The following MYO3B variants were observed in gnomAD, a reference collection of about 807,000 sequenced individuals.
MYO3B encodes the protein myosin IIIB.
Under a neutral mutation model 174.6 loss-of-function variants are expected in MYO3B, and 156 were observed. That is an observed-to-expected ratio of 0.89 (90% CI 0.78 to 1.02). MYO3B has a LOEUF of 1.02. MYO3B is among the 50% of genes least tolerant of loss of function. MYO3B has a pLI of 0.00. For synonymous variants in MYO3B, 563 were observed against 569.1 expected (o/e 0.99, Z 0.15); for missense variants, 1,632 against 1,639.4 (o/e 1.00, Z 0.08).
intron 22 of MYO3B, among the ~76,000 whole-genome samples, chr2:170,411,372 A>G (rs2094545070): frequency 6.6e-6 from 1 of 152,254 alleles, no homozygotes; most frequent in Non-Finnish European, 1.5e-5. Context: ...TCTAGGCTAT[A>G]TGTTGTAGTC....
intron 7 of MYO3B, among the ~76,000 whole-genome samples, chr2:170,248,011 T>C (rs2093210916): frequency 6.6e-6 from 1 of 152,164 alleles, no homozygotes; most frequent in African/African-American, 2.4e-5. Flanking sequence ...TGGCCTCACA[T>C]TCTTGGTGGC....
At chr2:170,368,821 G>A (rs1229411791) in intron 8 of MYO3B, among the ~76,000 whole-genome samples, 1 of 151,890 alleles carries the variant, frequency 6.6e-6, no homozygotes, top group African/African-American at 2.4e-5. Context: ...GGATTTAATT[G>A]AGGTGATAGT....
chr2:170,305,967 T>A (rs920387667), intron 7 of MYO3B, among the ~76,000 whole-genome samples: 2 of 152,156 alleles, frequency 1.3e-5, no homozygotes, highest in African/African-American at 4.8e-5. Flanking sequence ...AGGGCAGAGC[T>A]TAGCTGGGTA....
At chr2:170,320,732 C>T (rs1375748202) in intron 7 of MYO3B, among the ~76,000 whole-genome samples, 1 of 151,894 alleles carries the variant, frequency 6.6e-6, no homozygotes, top group African/African-American at 2.4e-5. Flanking sequence ...GAGACATTCT[C>T]AAATTTCAAA....
chr2:170,651,160 TC>T (rs894972501), intron 32 of MYO3B, among the ~76,000 whole-genome samples: 6 of 151,860 alleles, frequency 4.0e-5, no homozygotes, highest in Admixed American at 2.0e-4. Flanking sequence ...TCAAGCCATT[TC>T]CCCCCCGACA....
At position 170,391,546 on chromosome 2, in the gene MYO3B, A is replaced by C. The variant is rs1353402910; in HGVS notation, c.1604A>C (p.Tyr535Ser). ...AGAGAGAAAAATTTTCATATATTTT[A>C]CTATATTTATGCTGGTCTTCATCAC... ...AAREKNFHIF[Y>S]YIYAGLHHQK... Residue 535 changes from tyrosine to serine, a missense_variant, in exon 15 of 35, where the codon TAC becomes TCC. By Grantham distance (144) the Tyr-to-Ser change is moderately radical (BLOSUM62 -2). Transcript: ENST00000408978. 2.6e-6 allele frequency: 4 copies of C among 1,535,848 alleles called. No homozygotes were observed. The highest frequency in any genetic ancestry group is 2.4e-5 in the East Asian group (1 of 42,178).
chr2:170,488,169 T>C (rs1461756640), intron 25 of MYO3B, among the ~76,000 whole-genome samples: 1 of 152,230 alleles, frequency 6.6e-6, no homozygotes. Context: ...TGTAAATTAG[T>C]GTAATCTCTT....
At chr2:170,322,365 T>C (rs1282904027) in intron 7 of MYO3B, among the ~76,000 whole-genome samples, 2 of 151,986 alleles carry the variant, frequency 1.3e-5, no homozygotes, top group Non-Finnish European at 2.9e-5. Context: ...GTCAGAAAAA[T>C]AAATGTGTGC....
intron 8 of MYO3B, among the ~76,000 whole-genome samples, chr2:170,364,761 T>C (rs1035715115): frequency 1.3e-5 from 2 of 152,230 alleles, no homozygotes; most frequent in African/African-American, 4.8e-5. Context: ...TGACCAGGGA[T>C]AGAAATGACA....
chr2:170,362,809 CAG>C (rs1014586508), intron 8 of MYO3B, among the ~76,000 whole-genome samples: 3 of 152,206 alleles, frequency 2.0e-5, no homozygotes, highest in Non-Finnish European at 4.4e-5. Context: ...TTCCACCAAA[CAG>C]GGGGGTGATG....
intron 23 of MYO3B, among the ~76,000 whole-genome samples, chr2:170,459,300 C>T (rs1455782404): frequency 6.6e-6 from 1 of 152,156 alleles, no homozygotes; most frequent in Non-Finnish European, 1.5e-5. Context: ...ACCCATTTTA[C>T]AGAGAGCTGA....
At chr2:170,449,602 A>G (rs1399740243) in intron 23 of MYO3B, among the ~76,000 whole-genome samples, 1 of 151,686 alleles carries the variant, frequency 6.6e-6, no homozygotes, top group Admixed American at 6.6e-5. Context: ...ACATGAAGAA[A>G]CTCCATCTCT....
intron 21 of MYO3B, 75 bp from the exon 22 acceptor site, chr2:170,407,640 G>C: frequency 1.3e-6 from 2 of 1,573,672 alleles, no homozygotes; most frequent in Non-Finnish European, 1.7e-6. Flanking sequence ...TTAACAACTG[G>C]TTAGGCAAGT....
chr2:170,426,706 A>C (rs1032191527), intron 22 of MYO3B, among the ~76,000 whole-genome samples: 13 of 152,102 alleles, frequency 8.5e-5, no homozygotes, highest in African/African-American at 3.1e-4. Flanking sequence ...TATTTTTTGA[A>C]TTAATGAATG....
chr2:170,235,934 T>A (rs2093064653), intron 6 of MYO3B, 57 bp from the exon 7 acceptor site: 10 of 1,606,504 alleles, frequency 6.2e-6, no homozygotes, highest in Non-Finnish European at 8.5e-6. Context: ...AGGGCCTTTT[T>A]AGGACATCTG....
chr2:170,626,446 T>C (rs1011102646), intron 32 of MYO3B, among the ~76,000 whole-genome samples: 1 of 152,350 alleles, frequency 6.6e-6, no homozygotes, highest in African/African-American at 2.4e-5. Flanking sequence ...TATGTGTGTC[T>C]CTGCACGTGA....
chr2:170,440,190 G>A (rs1484881661), intron 22 of MYO3B, among the ~76,000 whole-genome samples: 2 of 151,908 alleles, frequency 1.3e-5, no homozygotes, highest in Non-Finnish European at 2.9e-5. Flanking sequence ...TTTATTTCTG[G>A]GCACTCTGTT....
chr2:170,358,819 A>G (rs913098023), intron 8 of MYO3B, among the ~76,000 whole-genome samples: 11 of 152,160 alleles, frequency 7.2e-5, no homozygotes, highest in African/African-American at 2.7e-4. Flanking sequence ...TATATTACTT[A>G]ATTTATAAAT....
At chr2:170,285,980 T>C (rs1038913217) in intron 7 of MYO3B, among the ~76,000 whole-genome samples, 2 of 152,182 alleles carry the variant, frequency 1.3e-5, no homozygotes, top group African/African-American at 4.8e-5. Context: ...TGATTTATCA[T>C]GTCATGTCTA....
Sources: allele counts gnomAD v4.1 joint callset (sites outside exome capture counted in the v4.1 genomes callset), GRCh38; gene constraint gnomAD v4.1.1; transcripts MANE v1.5; gene names NCBI Gene and HGNC (gene_info 2026-07-23, HGNC 2026-07-21).